The following ARHGAP18 variants were observed in gnomAD, a reference collection of about 807,000 sequenced individuals.
ARHGAP18 encodes rho GTPase-activating protein 18.
Under a neutral mutation model 86.2 loss-of-function variants are expected in ARHGAP18, and 67 were observed. The observed-to-expected ratio is 0.78, with a 90% CI of 0.64 to 0.95. The LOEUF (loss-of-function observed/expected upper bound fraction) is 0.95, where lower values mean the gene tolerates loss of function less well. Ranked by LOEUF, ARHGAP18 falls within the 40% of genes least tolerant of loss-of-function variation. The probability of loss-of-function intolerance (pLI) is 0.00; values close to 1 mark genes in which losing one functional copy is unlikely to be tolerated. For synonymous variants in ARHGAP18, 283 were observed against 280.4 expected (o/e 1.01, Z -0.09); for missense variants, 691 against 780.4 (o/e 0.89, Z 1.37).
chr6:129,673,559 C>T (rs1177739499), intron 1 of ARHGAP18, among the ~76,000 whole-genome samples: 1 of 152,160 alleles, frequency 6.6e-6, no homozygotes, highest in African/African-American at 2.4e-5. Flanking sequence ...TTTTTAAGCT[C>T]TTATCTGTCT....
chr6:129,604,163 A>C (rs532666261), intron 10 of ARHGAP18, among the ~76,000 whole-genome samples: 4 of 151,766 alleles, frequency 2.6e-5, no homozygotes, highest in Non-Finnish European at 5.9e-5. Context: ...ATGTAAAATT[A>C]CTTGTTTGCA....
At chr6:129,599,104 C>A in intron 12 of ARHGAP18, 112 bp downstream of exon 12, 1 of 885,046 alleles carries the variant, frequency 1.1e-6, no homozygotes, top group Non-Finnish European at 1.6e-6. Flanking sequence ...CAAGTAGCAC[C>A]ACAGCCTAAT....
intron 1 of ARHGAP18, among the ~76,000 whole-genome samples, chr6:129,706,209 A>T (rs2114560530): frequency 6.6e-6 from 1 of 152,346 alleles, no homozygotes; most frequent in East Asian, 1.9e-4. Context: ...ACAAAACACA[A>T]TATTCTTCGA....
chr6:129,635,523 G>T (rs1461129188), intron 3 of ARHGAP18, among the ~76,000 whole-genome samples: 2 of 152,218 alleles, frequency 1.3e-5, no homozygotes, highest in African/African-American at 4.8e-5. Context: ...TGAGCAGAGT[G>T]ATTCCAGTCT....
chr6:129,643,354 T>G (rs1396278682), intron 1 of ARHGAP18, among the ~76,000 whole-genome samples: 1 of 152,064 alleles, frequency 6.6e-6, no homozygotes, highest in Non-Finnish European at 1.5e-5. Flanking sequence ...TGATAGTGAG[T>G]GAGTTGTCAT....
intron 11 of ARHGAP18, 59 bp from the exon 12 acceptor site, chr6:129,599,415 C>CAA: frequency 7.7e-7 from 1 of 1,301,036 alleles, no homozygotes. Context: ...TTTTAAACTA[C>CAA]AAAAAAAAAT....
At chr6:129,604,179 C>T (rs1788805153) in intron 10 of ARHGAP18, among the ~76,000 whole-genome samples, 2 of 148,846 alleles carry the variant, frequency 1.3e-5, no homozygotes, top group Non-Finnish European at 3.0e-5. Flanking sequence ...TTGCATCTTC[C>T]AGTTTTTTAC....
chr6:129,636,670 A>G (rs948815300), intron 3 of ARHGAP18, among the ~76,000 whole-genome samples: 3 of 152,180 alleles, frequency 2.0e-5, no homozygotes, highest in African/African-American at 7.2e-5. Context: ...TGAGATCAGG[A>G]GTTCAAGACC....
chr6:129,609,047 G>C (rs777304272), intron 8 of ARHGAP18, among the ~76,000 whole-genome samples: 1 of 149,706 alleles, frequency 6.7e-6, no homozygotes, highest in Non-Finnish European at 1.5e-5. Flanking sequence ...AAAAGGGAGT[G>C]GGAGATAGGG....
chr6:129,628,185 T>C (rs927158309), intron 5 of ARHGAP18, among the ~76,000 whole-genome samples: 14 of 152,172 alleles, frequency 9.2e-5, no homozygotes, highest in Non-Finnish European at 1.8e-4. Context: ...GGTTTCTAAA[T>C]ACAATTTGCT....
chr6:129,584,247 T>C (rs962634936), intron 12 of ARHGAP18, 135 bp from the exon 13 acceptor site: 1 of 1,242,300 alleles, frequency 8.0e-7, no homozygotes. Flanking sequence ...TACTGTATAA[T>C]GTAATTTGCA....
intron 1 of ARHGAP18, among the ~76,000 whole-genome samples, chr6:129,642,451 A>ATT (rs879779898): frequency 2.8e-5 from 4 of 144,874 alleles, no homozygotes; most frequent in African/African-American, 1.0e-4. Context: ...TGCCCAGCTA[A>ATT]TTTTTTTTTT....
chr6:129,707,134 G>T (rs1399105914), intron 1 of ARHGAP18, among the ~76,000 whole-genome samples: 1 of 151,904 alleles, frequency 6.6e-6, no homozygotes, highest in Non-Finnish European at 1.5e-5. Flanking sequence ...TATAGAGGCT[G>T]AGGCAGGAGA....
chr6:129,647,785 A>G (rs997967715), intron 1 of ARHGAP18, among the ~76,000 whole-genome samples: 1 of 152,146 alleles, frequency 6.6e-6, no homozygotes, highest in Admixed American at 6.5e-5. Flanking sequence ...TAAACATTAG[A>G]ATGCTATTGC....
chr6:129,602,892 AAGAG>A (rs755779032), intron 10 of ARHGAP18, among the ~76,000 whole-genome samples: 21 of 152,024 alleles, frequency 1.4e-4, no homozygotes, highest in Non-Finnish European at 2.9e-4. Context: ...ACTAGAGAAT[AAGAG>A]AGAGAGTTGA....
chr6:129,639,941 A>T (rs1348899482), intron 2 of ARHGAP18, among the ~76,000 whole-genome samples: 1 of 148,300 alleles, frequency 6.7e-6, no homozygotes, highest in Non-Finnish European at 1.5e-5. Flanking sequence ...GCTACTAGGG[A>T]GGCTGAGGCA....
Position 129,618,767 on chromosome 6 carries a change from G to A in ARHGAP18, c.872C>T (p.Ala291Val). 2 of 1,613,674 alleles carry A rather than the reference G, an allele frequency of 1.2e-6. No homozygotes were observed. The change falls in exon 6 of 15, where the codon GCC becomes GTC. Residue 291 changes from alanine to valine, a missense_variant. Transcript: ENST00000368149. Reference protein sequence around the residue: ...PQDMKKVCHLALIELTALYDV... With the variant: ...PQDMKKVCHLVLIELTALYDV... Reference sequence around the variant, plus strand: ...ATAGAGGGCAGTCAGCTCAATTAGGGCTAAATGGCAAACTTTCTTCATGTC... The same window carrying A: ...ATAGAGGGCAGTCAGCTCAATTAGGACTAAATGGCAAACTTTCTTCATGTC...
intron 6 of ARHGAP18, 35 bp downstream of exon 6, chr6:129,618,652 G>T (rs1194660827): frequency 1.3e-6 from 2 of 1,542,498 alleles, no homozygotes; most frequent in Non-Finnish European, 1.8e-6. Context: ...TGCTATTTTA[G>T]AAATAAATCC....
chr6:129,649,191 A>G (rs146891533), intron 1 of ARHGAP18, among the ~76,000 whole-genome samples: 384 of 152,322 alleles, frequency 2.5e-3, no homozygotes, highest in Non-Finnish European at 4.5e-3. Flanking sequence ...TCCTCTTTGC[A>G]TATCTTACCC....
Sources: gnomAD v4.1 joint callset for allele counts (sites outside exome capture counted in the v4.1 genomes callset) on GRCh38, gnomAD v4.1.1 for gene constraint, MANE v1.5 for transcripts, NCBI Gene and HGNC (gene_info 2026-07-23, HGNC 2026-07-21) for gene names.